The following WDR36 variants were observed in gnomAD, a reference collection of about 807,000 sequenced individuals.
WDR36 encodes the protein WD repeat-containing protein 36.
A neutral mutation model predicts 112.7 loss-of-function variants in WDR36; 63 were observed. The ratio of observed to expected loss-of-function variants is 0.56; its 90% CI spans 0.46 to 0.69. The LOEUF is 0.69. Among genes scored for constraint, WDR36 ranks in the 30% least tolerant of loss-of-function variants. The pLI, the probability that WDR36 is intolerant of heterozygous loss-of-function variation, is 0.00. For synonymous variants in WDR36, 410 were observed against 362.2 expected, an observed-to-expected ratio of 1.13 and a Z score of -1.50; for missense variants, 1,226 against 1,070.3, an observed-to-expected ratio of 1.15 and a Z score of -2.03.
Position 111,124,109 on chromosome 5 carries a change from C to G in WDR36, c.2270C>G (p.Ser757Cys), listed in dbSNP as rs780750379. Residue 757 changes from serine to cysteine, a missense_variant and splice_region_variant, in exon 21 of 23, where the codon TCT becomes TGT. Physicochemically the swap from Ser to Cys is moderately radical, Grantham distance 112. Transcript: ENST00000513710. ...APEQNNDPQQ[S>C]KVVNLGVLAQ... ...AATGTGTATTTGTTTTTGTTTAAGT[C>G]TAAAGTGGTAAATCTTGGAGTTTTG... is the stretch of plus-strand genomic sequence containing the variant. The G allele has an allele frequency of 2.5e-6, 4 of 1,612,696 alleles. No individual in the cohort carries two copies. In the Admixed American group the frequency reaches 6.7e-5, roughly 27 times the overall value.
chr5:111,097,030 T>G, intron 2 of WDR36, 49 bp from the exon 3 acceptor site: 1 of 1,407,150 alleles, frequency 7.1e-7, no homozygotes, highest in Non-Finnish European at 1.0e-6. Flanking sequence ...GAGGTTTCTC[T>G]TTAACATCTT....
At position 111,102,371 on chromosome 5, in the gene WDR36, G is replaced by T. The variant is rs1334524401; in HGVS notation, c.569G>T (p.Trp190Leu). The T allele has an allele frequency of 1.2e-6, 2 of 1,610,118 alleles. No homozygotes were observed. Among genetic ancestry groups the T allele is most frequent in the South Asian group, 1.1e-5 (1 of 90,942 alleles). ...SNKLLYTFPG[W>L]KVGVTALQQA... is the part of the protein sequence containing the mutation. ...AAACTTCTATATACATTTCCAGGAT[G>T]GAAAGTTGGAGTGACAGCTCTTCAG... Residue 190 changes from tryptophan (W) to leucine (L), a missense_variant, in exon 6 of 23, where the codon TGG (tryptophan) becomes TTG (leucine). Trp to Leu is a moderately conservative substitution (Grantham distance 61). Coordinates refer to ENST00000513710, the MANE Select transcript of WDR36 (RefSeq NM_139281.3).
intron 11 of WDR36, among the ~76,000 whole-genome samples, chr5:111,106,451 C>G (rs1197516130): frequency 3.3e-5 from 5 of 151,350 alleles, no homozygotes; most frequent in African/African-American, 1.2e-4. Flanking sequence ...AGAACTGGAA[C>G]AGCAGAGTAT....
At chr5:111,125,844 A>G (rs761737957) in intron 22 of WDR36, 49 bp downstream of exon 22, 20 of 1,603,760 alleles carry the variant, frequency 1.2e-5, no homozygotes, top group Admixed American at 3.3e-5. Context: ...CTTCTGGGGC[A>G]GTGCTATCTA....
chr5:111,125,083 G>T (rs565930167), intron 21 of WDR36, among the ~76,000 whole-genome samples: 1 of 152,278 alleles, frequency 6.6e-6, no homozygotes, highest in South Asian at 2.1e-4. Context: ...AAGTAGGTTT[G>T]GGCTGGGTAA....
At chr5:111,110,153 A>T in intron 12 of WDR36, 36 bp from the exon 13 acceptor site, 2 of 1,416,960 alleles carry the variant, frequency 1.4e-6, no homozygotes, top group Non-Finnish European at 2.0e-6. Flanking sequence ...TAAAAATGTT[A>T]GTTATTTTGT....
chr5:111,102,290 T>C (rs1376386050), intron 5 of WDR36, 55 bp from the exon 6 acceptor site: 10 of 1,383,262 alleles, frequency 7.2e-6, no homozygotes, highest in East Asian at 4.6e-5. Flanking sequence ...GTAGCTGATA[T>C]TGTTTTCCTC....
chr5:111,111,299 T>C, intron 15 of WDR36, 21 bp downstream of exon 15: 1 of 1,587,524 alleles, frequency 6.3e-7, no homozygotes, highest in Non-Finnish European at 8.6e-7. Context: ...CTCTAACTAA[T>C]AAAACTTGAC....
At chr5:111,123,481 T>A (rs1401878249) in intron 19 of WDR36, among the ~76,000 whole-genome samples, 1 of 152,210 alleles carries the variant, frequency 6.6e-6, no homozygotes, top group Non-Finnish European at 1.5e-5. Flanking sequence ...CAAAAGGAAG[T>A]TTAAAATTAC....
At position 111,123,918 on chromosome 5, in the gene WDR36, C is replaced by G. The variant is rs1301879428; in HGVS notation, c.2262C>G (p.Pro754=). ...RYAAPEQNND[P]QQSKVVNLGV... is the part of the protein sequence containing the mutation. ...CTGCACCTGAACAAAATAATGATCC[C>G]CAGCAGGTAAAAAACAAATTAGAAG... The change falls in exon 20 of 23, where the codon CCC becomes CCG. Residue 754 remains proline (P), a synonymous_variant. Transcript: ENST00000513710. The G allele has an allele frequency of 6.2e-7, 1 of 1,613,528 alleles. No individual in the cohort carries two copies. The highest frequency in any genetic ancestry group is 1.7e-5 in the Admixed American group (1 of 60,004).
intron 12 of WDR36, among the ~76,000 whole-genome samples, chr5:111,109,163 A>G (rs1753275645): frequency 6.6e-6 from 1 of 151,342 alleles, no homozygotes; most frequent in Admixed American, 6.6e-5. Context: ...TAGGGCCTGT[A>G]TTACTTGCAG....
chr5:111,129,552 A>T lies in WDR36; in HGVS notation c.*2669A>T, dbSNP rs770321734. 11 of 201,680 alleles carry T rather than the reference A, an allele frequency of 5.5e-5. No individual in the cohort carries two copies. Among genetic ancestry groups the T allele is most frequent in the Non-Finnish European group, 8.1e-5 (8 of 98,220 alleles). The allele number at this position is 201,680 out of a possible 1,614,324, so 12.5% of individuals were successfully genotyped here. A position where few individuals can be genotyped will look rare whatever the true frequency, so the allele number is the denominator to read the frequency against. The stretch of plus-strand genomic sequence containing the variant: ...ATTTTCTTTTTCCTCTCATTTTTCT[A>T]TTGAATGATTTGTCCTTTTATCTCA... On this transcript the variant is annotated 3_prime_UTR_variant, in exon 23 of 23. Transcript: ENST00000513710.
Position 111,123,858 on chromosome 5 carries a change from C to T in WDR36, c.2202C>T (p.Phe734=), listed in dbSNP as rs752440476. 2.5e-6 allele frequency: 4 copies of T among 1,613,870 alleles called. No homozygotes were observed. The highest frequency in any genetic ancestry group is 3.4e-6 in the Non-Finnish European group (4 of 1,179,910). ...PPKVPKSAPF[F]IPTIPGLVPR... ...AAGTACCCAAATCAGCACCATTTTT[C>T]ATTCCAACAATTCCTGGCCTTGTAC... Residue 734 remains phenylalanine, a synonymous_variant, in exon 20 of 23, where the codon TTC becomes TTT. Transcript: ENST00000513710.
In WDR36 at chr5:111,123,825, A is replaced by C. The variant is rs1384479982; in HGVS notation, c.2169A>C (p.Glu723Asp). The change falls in exon 20 of 23, where the codon GAA (glutamate) becomes GAC (aspartate). Residue 723 changes from glutamate (E) to aspartate (D), a missense_variant. By Grantham distance (45) the Glu-to-Asp change is conservative. Coordinates refer to ENST00000513710, the MANE Select transcript of WDR36 (RefSeq NM_139281.3). ...DVIKKKNKPK[E>D]PPKVPKSAPF... ...ATCAGAAAAAGAATAAACCAAAGGAACCACCCAAAGTACCCAAATCAGCAC... is the reference window on the plus strand; with the variant it reads ...ATCAGAAAAAGAATAAACCAAAGGACCCACCCAAAGTACCCAAATCAGCAC... The C allele has an allele frequency of 5.0e-6, 8 of 1,613,724 alleles. No individual in the cohort carries two copies. Among genetic ancestry groups the C allele is most frequent in the African/African-American group, 1.3e-5 (1 of 74,922 alleles).
intron 12 of WDR36, among the ~76,000 whole-genome samples, chr5:111,107,643 C>G (rs1247896759): frequency 1.3e-5 from 2 of 151,322 alleles, no homozygotes; most frequent in Non-Finnish European, 3.0e-5. Flanking sequence ...GATTTATTCT[C>G]TCTGAATTGA....
At chr5:111,122,930 T>C (rs901244293) in intron 19 of WDR36, among the ~76,000 whole-genome samples, 1 of 152,096 alleles carries the variant, frequency 6.6e-6, no homozygotes, top group African/African-American at 2.4e-5. Context: ...GTCAACATGG[T>C]GAAACCCCAT....
chr5:111,092,475 A>G lies in WDR36; in HGVS notation c.19A>G (p.Arg7Gly), dbSNP rs758616450. ...GGCGGCAATGGAACGGGCCTCAGAA[A>G]GGCGCACGGCCAGCGCGCTTTTTGC... MERASE[R>G]RTASALFAGF... Residue 7 changes from arginine to glycine, a missense_variant, in exon 1 of 23, where the codon AGG becomes GGG. Transcript: ENST00000513710. The G allele has an allele frequency of 9.3e-6, 15 of 1,614,130 alleles. No individual in the cohort carries two copies. In the African/African-American group the frequency reaches 2.0e-4, roughly 22 times the overall value.
At chr5:111,107,009 T>A (rs1753234244) in intron 11 of WDR36, among the ~76,000 whole-genome samples, 1 of 151,506 alleles carries the variant, frequency 6.6e-6, no homozygotes, top group African/African-American at 2.4e-5. Context: ...TAATTTCTTC[T>A]GATTAGAATC....
Position 111,121,160 on chromosome 5 carries a change from TA to T in WDR36, c.2148+20del. On this transcript the variant is annotated intron_variant, in intron 19 of 22. Coordinates refer to ENST00000513710, the MANE Select transcript of WDR36 (RefSeq NM_139281.3). ...TATTAAGGTAATAATTAACATTCTTTATAGACCCTAAGCATGCATCCAGAAG... is the reference window on the plus strand; with the variant it reads ...TATTAAGGTAATAATTAACATTCTTTTAGACCCTAAGCATGCATCCAGAAG... 1 of 1,613,018 alleles carries T rather than the reference TA, an allele frequency of 6.2e-7. No homozygotes were observed. The highest frequency in any genetic ancestry group is 8.5e-7 in the Non-Finnish European group (1 of 1,179,232).
Sources: gnomAD v4.1 joint callset for allele counts (sites outside exome capture counted in the v4.1 genomes callset) on GRCh38, gnomAD v4.1.1 for gene constraint, MANE v1.5 for transcripts, NCBI Gene and HGNC (gene_info 2026-07-23, HGNC 2026-07-21) for gene names.